Variants in KCTD19 observed in about 807,000 individuals in gnomAD.
KCTD19 encodes potassium channel tetramerization domain containing 19, also known as BTB/POZ domain-containing protein KCTD19.
KCTD19 carries 67 observed loss-of-function variants against 103.5 expected under a neutral mutation model. That is an observed-to-expected ratio of 0.65 (90% CI 0.53 to 0.79). KCTD19 has a LOEUF of 0.79. KCTD19 is among the 30% of genes least tolerant of loss of function. KCTD19 has a pLI of 0.00. For synonymous variants in KCTD19, 439 were observed against 452.2 expected (o/e 0.97, Z 0.37); for missense variants, 980 against 1,136.1 (o/e 0.86, Z 1.98).
intron 2 of KCTD19, among the ~76,000 whole-genome samples, chr16:67,314,553 C>T (rs2036982206): frequency 6.6e-6 from 1 of 151,736 alleles, no homozygotes; most frequent in Admixed American, 6.6e-5. Context: ...TAGAATCATA[C>T]AATATATGGT....
At position 67,315,854 on chromosome 16, in the gene KCTD19, T is replaced by C. The variant is rs183305826; in HGVS notation, c.300+4735A>G. On this transcript the variant is annotated intron_variant, in intron 2 of 15. Coordinates refer to ENST00000304372, the MANE Select transcript of KCTD19 (RefSeq NM_001100915.3). ...GGTCTCCAACCCTGACCTCAAGTGA[T>C]CCACCCACCTCGGACTCCCAAAGTG... Among the ~76,000 whole-genome samples the C allele has an allele frequency of 3.0e-4, 45 of 151,874 alleles. No homozygotes were observed. The East Asian group carries it at 7.5e-3, about 25-fold the overall frequency.
rs1225413064 is a variant in KCTD19, at chr16:67,326,572, C to T, written c.3+133G>A. 13 of 1,266,212 alleles carry T rather than the reference C, an allele frequency of 1.0e-5. 1 individual carries two copies. Among genetic ancestry groups the T allele is most frequent in the South Asian group, 4.0e-5 (3 of 74,652 alleles). The allele number at this position is 1,266,212 out of a possible 1,614,324, so 78.4% of individuals were successfully genotyped here. On this transcript the variant is annotated intron_variant, in intron 1 of 15. Coordinates refer to ENST00000304372, the MANE Select transcript of KCTD19 (RefSeq NM_001100915.3). Reference sequence around the variant, plus strand: ...CAGAGCCAGCCCCCCAAATCCTTCCCGGCTGGGGGCCCCTCGCTCTCTCCC... The same window carrying T: ...CAGAGCCAGCCCCCCAAATCCTTCCTGGCTGGGGGCCCCTCGCTCTCTCCC...
In KCTD19 at chr16:67,323,032, C is replaced by A. The variant is rs1391229971; in HGVS notation, c.4-2147G>T. On this transcript the variant is annotated intron_variant, in intron 1 of 15. Coordinates refer to ENST00000304372, the MANE Select transcript of KCTD19 (RefSeq NM_001100915.3). The surrounding 1 kb of genome is among the most constrained non-coding windows in gnomAD (Gnocchi z 4.1). ...TACTACTTCACACCCATTAGTATGG[C>A]TACAATGAAAACAATAGGTAATAAC... Among the ~76,000 whole-genome samples, 1 of 152,166 alleles carries A rather than the reference C, an allele frequency of 6.6e-6. No homozygotes were observed. Among genetic ancestry groups the A allele is most frequent in the Non-Finnish European group, 1.5e-5 (1 of 68,024 alleles).
chr16:67,322,902 A>C (rs960100357), intron 1 of KCTD19, among the ~76,000 whole-genome samples: 2 of 152,216 alleles, frequency 1.3e-5, no homozygotes, highest in Admixed American at 6.5e-5. Flanking sequence ...AAAGCATCTA[A>C]ATAGACATCT....
chr16:67,310,450 C>T (rs1349220737), intron 2 of KCTD19, among the ~76,000 whole-genome samples: 1 of 152,206 alleles, frequency 6.6e-6, no homozygotes, highest in African/African-American at 2.4e-5. Flanking sequence ...AGTCCGCTTT[C>T]ATCTGCCTGA....
chr16:67,306,024 C>T (rs1014862467), intron 2 of KCTD19, among the ~76,000 whole-genome samples: 1 of 152,186 alleles, frequency 6.6e-6, no homozygotes, highest in Non-Finnish European at 1.5e-5. Flanking sequence ...GAGTGCTTTC[C>T]TGTGGCAGTG....
chr16:67,320,481 G>T lies in KCTD19; in HGVS notation c.300+108C>A, dbSNP rs927685058. ...TTACTTTAACACACTTATTACATTT[G>T]CCCATTAAGAGGGTCATCTCAGCAA... On this transcript the variant is annotated intron_variant, in intron 2 of 15. Transcript: ENST00000304372. The surrounding 1 kb of genome is among the most constrained non-coding windows in gnomAD (Gnocchi z 4.0). 6.0e-6 allele frequency: 6 copies of T among 1,006,280 alleles called. No individual in the cohort carries two copies. The highest frequency in any genetic ancestry group is 7.5e-6 in the Non-Finnish European group (5 of 669,500). 62.3% of individuals were successfully genotyped at this position (1,006,280 alleles called of 1,614,324 possible).
chr16:67,296,103 G>T, intron 8 of KCTD19, 56 bp downstream of exon 8: 2 of 1,015,208 alleles, frequency 2.0e-6, no homozygotes, highest in South Asian at 2.5e-5. Context: ...ATGGCCCCCA[G>T]AGCAGCTCAG....
intron 12 of KCTD19, among the ~76,000 whole-genome samples, chr16:67,292,581 C>T (rs1483095486): frequency 2.0e-5 from 3 of 152,182 alleles, no homozygotes; most frequent in African/African-American, 7.2e-5. Flanking sequence ...TTAGGGCTCA[C>T]AGGCAAGAGT....
Position 67,291,004 on chromosome 16 carries a change from A to G in KCTD19, c.2566-18T>C, listed in dbSNP as rs60723963. Reference sequence around the variant, plus strand: ...TGCAGGGTCTGCCAGGAGAGCCCACAGTCAGGCAGTGCTAGGGCAGCTCCT... The same window carrying G: ...TGCAGGGTCTGCCAGGAGAGCCCACGGTCAGGCAGTGCTAGGGCAGCTCCT... On this transcript the variant is annotated intron_variant, in intron 14 of 15. Transcript: ENST00000304372. 0.053 allele frequency: 85,932 copies of G among 1,612,408 alleles called. 3,800 individuals carry two copies. Among genetic ancestry groups the G allele is most frequent in the African/African-American group, 0.23 (17,020 of 74,976 alleles).
chr16:67,305,767 C>A (rs1447115815), intron 2 of KCTD19, among the ~76,000 whole-genome samples: 2 of 152,122 alleles, frequency 1.3e-5, no homozygotes, highest in African/African-American at 4.8e-5. Context: ...TGGACAGGTG[C>A]CCCAGATTTA....
At chr16:67,311,285 G>A (rs1344261987) in intron 2 of KCTD19, among the ~76,000 whole-genome samples, 4 of 152,038 alleles carry the variant, frequency 2.6e-5, no homozygotes, top group Non-Finnish European at 5.9e-5. Context: ...CTTCCAGTGG[G>A]CCACATTTAG....
In KCTD19 at chr16:67,319,754, G is replaced by T. The variant is rs1033682767; in HGVS notation, c.300+835C>A. On this transcript the variant is annotated intron_variant, in intron 2 of 15. Coordinates refer to ENST00000304372, the MANE Select transcript of KCTD19 (RefSeq NM_001100915.3). ...GACAAAGAAGTGATGGTAAAGGAAAGATTCTGCAGAACTTGTTTTTTTTTT... is the reference window on the plus strand; with the variant it reads ...GACAAAGAAGTGATGGTAAAGGAAATATTCTGCAGAACTTGTTTTTTTTTT... Among the ~76,000 whole-genome samples, 9 of 150,998 alleles carry T rather than the reference G, an allele frequency of 6.0e-5. No homozygotes were observed. The South Asian group carries it at 1.0e-3, about 17-fold the overall frequency.
Position 67,293,845 on chromosome 16 carries a change from C to T in KCTD19, c.1917G>A (p.Val639=), listed in dbSNP as rs779247568. ...ATPMQKLISL[V]REWDMVNCKQ... is the part of the protein sequence containing the mutation. Reference sequence around the variant, plus strand: ...TGCAATTGACCATGTCCCATTCTCTCACCAGGGAGATGAGTTTTTGCATGG... The same window carrying T: ...TGCAATTGACCATGTCCCATTCTCTTACCAGGGAGATGAGTTTTTGCATGG... Residue 639 remains valine (V), a synonymous_variant, in exon 12 of 16, where the codon GTG becomes GTA. Transcript: ENST00000304372. The surrounding 1 kb of genome is among the most constrained non-coding windows in gnomAD (Gnocchi z 4.0). The T allele has an allele frequency of 6.2e-7, 1 of 1,614,042 alleles. No homozygotes were observed. The highest frequency in any genetic ancestry group is 8.5e-7 in the Non-Finnish European group (1 of 1,180,040).
intron 2 of KCTD19, among the ~76,000 whole-genome samples, chr16:67,314,875 G>GAGAGAGAGAGAGAGAGAGA (rs1567453832): frequency 1.9e-5 from 1 of 52,928 alleles, no homozygotes; most frequent in African/African-American, 8.5e-5. Context: ...AGAGAGAGAG[G>GAGAGAGAGAGAGAGAGAGA]GGAAGGGTCT....
chr16:67,320,920 A>G lies in KCTD19; in HGVS notation c.4-35T>C, dbSNP rs764430988. 1.5e-4 allele frequency: 223 copies of G among 1,529,206 alleles called. No homozygotes were observed. The highest frequency in any genetic ancestry group is 1.9e-4 in the Non-Finnish European group (217 of 1,131,556). The allele number at this position is 1,529,206 out of a possible 1,614,324, so 94.7% of individuals were successfully genotyped here. On this transcript the variant is annotated intron_variant, in intron 1 of 15. Coordinates refer to ENST00000304372, the MANE Select transcript of KCTD19 (RefSeq NM_001100915.3). The surrounding 1 kb of genome is among the most constrained non-coding windows in gnomAD (Gnocchi z 4.0). The stretch of plus-strand genomic sequence containing the variant: ...GAATGAAAAAGAGATCTACGCAAGA[A>G]AAAGAAATAAAAAGGCATCCAGATT...
intron 2 of KCTD19, among the ~76,000 whole-genome samples, chr16:67,312,447 T>C (rs1448462180): frequency 1.3e-5 from 2 of 152,202 alleles, no homozygotes; most frequent in Non-Finnish European, 2.9e-5. Flanking sequence ...ATAAACAATA[T>C]ACAGTATTCC....
intron 8 of KCTD19, chr16:67,295,680 C>T: frequency 5.4e-6 from 2 of 369,330 alleles, no homozygotes; most frequent in South Asian, 3.9e-5. Context: ...TCCCTCAGAG[C>T]TGGCCCCCTC....
Position 67,299,495 on chromosome 16 carries a change from G to T in KCTD19, c.854C>A (p.Pro285Gln), listed in dbSNP as rs568937866. 2 of 1,613,332 alleles carry T rather than the reference G, an allele frequency of 1.2e-6. No homozygotes were observed. The highest frequency in any genetic ancestry group is 1.7e-5 in the Admixed American group (1 of 59,944). ...CAGACCCAGGGCCATTGTGTAGAGC[G>T]GTTTCACGGACTCCAGGCTGGCTGT... ...ARTASLESVK[P>Q]LYTMALGLLV... is the part of the protein sequence containing the mutation. Residue 285 changes from proline (P) to glutamine (Q), a missense_variant, in exon 6 of 16, where the codon CCG becomes CAG. Coordinates refer to ENST00000304372, the MANE Select transcript of KCTD19 (RefSeq NM_001100915.3).
Sources: allele counts gnomAD v4.1 joint callset (sites outside exome capture counted in the v4.1 genomes callset), GRCh38; gene constraint gnomAD v4.1.1; non-coding constraint Gnocchi (gnomAD v3.1); transcripts MANE v1.5; gene names NCBI Gene and HGNC (gene_info 2026-07-23, HGNC 2026-07-21).